OLFM3: variants seen among roughly 807,000 people sequenced by gnomAD.
OLFM3 encodes the protein noelin-3.
A neutral mutation model predicts 48.6 loss-of-function variants in OLFM3; 20 were observed. The observed-to-expected ratio is 0.41, with a 90% confidence interval of 0.29 to 0.60. The LOEUF is 0.60. OLFM3 is among the 20% of genes least tolerant of loss of function. The pLI is 0.28. For missense variants in OLFM3, 437 were observed against 544.3 expected (o/e 0.80, Z 1.96); for synonymous variants, 222 against 198.1 (o/e 1.12, Z -1.01).
At chr1:101,825,368 G>T in intron 3 of OLFM3, 123 bp from the exon 4 acceptor site, 1 of 783,832 alleles carries the variant, frequency 1.3e-6, no homozygotes, top group Non-Finnish European at 2.0e-6. Context: ...TTGATTTTTG[G>T]TTGAAATTAG....
chr1:101,813,333 T>C (rs2100873544), intron 4 of OLFM3, among the ~76,000 whole-genome samples: 1 of 152,290 alleles, frequency 6.6e-6, no homozygotes, highest in South Asian at 2.1e-4. Context: ...AAATATATCT[T>C]ATGTTTAGCC....
At chr1:101,858,457 G>A (rs574038410) in intron 1 of OLFM3, among the ~76,000 whole-genome samples, 38 of 151,966 alleles carry the variant, frequency 2.5e-4, no homozygotes, top group Non-Finnish European at 4.6e-4. Context: ...AAGAAATATA[G>A]CTGTAAGTAT....
At chr1:101,968,087 A>G (rs1217880444) in intron 1 of OLFM3, among the ~76,000 whole-genome samples, 4 of 152,222 alleles carry the variant, frequency 2.6e-5, no homozygotes, top group Non-Finnish European at 4.4e-5. Flanking sequence ...TTAACAAGGC[A>G]GCTGAGGCAA....
chr1:101,825,674 G>A (rs960107253), intron 3 of OLFM3, among the ~76,000 whole-genome samples: 2 of 152,132 alleles, frequency 1.3e-5, no homozygotes, highest in Non-Finnish European at 2.9e-5. Flanking sequence ...CCCTATGATT[G>A]TTCAGTTGAG....
chr1:101,986,722 T>C (rs1412004795), intron 1 of OLFM3, among the ~76,000 whole-genome samples: 10 of 152,176 alleles, frequency 6.6e-5, no homozygotes. Context: ...AATGATGTTT[T>C]CTTGCCTTTT....
At chr1:101,812,349 A>T in intron 4 of OLFM3, 14 of 849,514 alleles carry the variant, frequency 1.6e-5, no homozygotes, top group Non-Finnish European at 1.7e-5. Context: ...AAAATATATA[A>T]AATTAAACTT....
intron 1 of OLFM3, 115 bp from the exon 2 acceptor site, chr1:101,837,140 A>C: frequency 9.2e-7 from 1 of 1,086,358 alleles, no homozygotes; most frequent in Non-Finnish European, 1.3e-6. Flanking sequence ...TTGTGTTTTC[A>C]ATCTTTAAAG....
chr1:101,906,660 A>T (rs1016455212), intron 1 of OLFM3, among the ~76,000 whole-genome samples: 4 of 152,224 alleles, frequency 2.6e-5, no homozygotes, highest in Non-Finnish European at 2.9e-5. Flanking sequence ...TAGAGCAAGT[A>T]TCACTCTTTT....
At chr1:101,951,330 A>G (rs868374162) in intron 1 of OLFM3, among the ~76,000 whole-genome samples, 4 of 152,220 alleles carry the variant, frequency 2.6e-5, no homozygotes, top group Non-Finnish European at 4.4e-5. Flanking sequence ...ACAAAGGAAA[A>G]TCAAAGTATC....
At chr1:101,940,185 A>C (rs1659743557) in intron 1 of OLFM3, among the ~76,000 whole-genome samples, 1 of 152,132 alleles carries the variant, frequency 6.6e-6, no homozygotes, top group Non-Finnish European at 1.5e-5. Context: ...GTTTCCAGCC[A>C]GTAATATAGA....
chr1:101,857,389 A>C (rs1656468936), intron 1 of OLFM3, among the ~76,000 whole-genome samples: 1 of 152,006 alleles, frequency 6.6e-6, no homozygotes, highest in Non-Finnish European at 1.5e-5. Context: ...TCAACAAGTA[A>C]TTTGGATTAT....
chr1:101,929,511 G>A (rs755508392), intron 1 of OLFM3, among the ~76,000 whole-genome samples: 5 of 151,800 alleles, frequency 3.3e-5, no homozygotes, highest in African/African-American at 4.8e-5. Context: ...TCTATCTCTC[G>A]GGCTCCAGGA....
intron 4 of OLFM3, among the ~76,000 whole-genome samples, chr1:101,824,568 C>T (rs912548763): frequency 6.6e-6 from 1 of 152,024 alleles, no homozygotes; most frequent in Non-Finnish European, 1.5e-5. Context: ...TTTCCATTTG[C>T]TTTAATAATT....
intron 1 of OLFM3, among the ~76,000 whole-genome samples, chr1:101,938,485 A>G (rs1570648104): frequency 6.6e-6 from 1 of 152,258 alleles, no homozygotes; most frequent in East Asian, 1.9e-4. Context: ...CTGCCTTCTG[A>G]TGTTCTACCT....
At chr1:101,832,992 TA>T (rs892244275) in intron 2 of OLFM3, among the ~76,000 whole-genome samples, 7 of 152,112 alleles carry the variant, frequency 4.6e-5, no homozygotes, top group East Asian at 1.9e-4. Flanking sequence ...CCATTTGCAT[TA>T]AAAAAAACTG....
chr1:101,938,503 C>T (rs940077917), intron 1 of OLFM3, among the ~76,000 whole-genome samples: 3 of 152,254 alleles, frequency 2.0e-5, no homozygotes, highest in Admixed American at 6.5e-5. Flanking sequence ...CCTTGTGCCC[C>T]GTTATTTACC....
intron 1 of OLFM3, among the ~76,000 whole-genome samples, chr1:101,937,671 A>G (rs1659665559): frequency 6.6e-6 from 1 of 152,100 alleles, no homozygotes; most frequent in Non-Finnish European, 1.5e-5. Context: ...ATGTCCATTA[A>G]ACCTCTTTTT....
chr1:101,911,766 C>A (rs987062857), intron 1 of OLFM3, among the ~76,000 whole-genome samples: 1 of 152,150 alleles, frequency 6.6e-6, no homozygotes, highest in Non-Finnish European at 1.5e-5. Flanking sequence ...CACCAAACCA[C>A]CAGTTTGTAA....
intron 1 of OLFM3, among the ~76,000 whole-genome samples, chr1:101,971,482 C>G (rs1479606640): frequency 6.6e-6 from 1 of 152,140 alleles, no homozygotes; most frequent in Non-Finnish European, 1.5e-5. Flanking sequence ...TCTTGTTGCA[C>G]ATCTGAGAAC....
Sources: gnomAD v4.1 joint callset for allele counts (sites outside exome capture counted in the v4.1 genomes callset) on GRCh38, gnomAD v4.1.1 for gene constraint, MANE v1.5 for transcripts, NCBI Gene and HGNC (gene_info 2026-07-23, HGNC 2026-07-21) for gene names.